SELENOI: variants seen among roughly 807,000 people sequenced by gnomAD.
The protein encoded by SELENOI is ethanolaminephosphotransferase 1.
A neutral mutation model predicts 50.7 loss-of-function variants in SELENOI; 24 were observed. The ratio of observed to expected loss-of-function variants is 0.47; its 90% CI spans 0.34 to 0.67. The LOEUF is 0.67. SELENOI is among the 30% of genes least tolerant of loss of function. The pLI is 0.01. For synonymous variants in SELENOI, 155 were observed against 170.2 expected, an observed-to-expected ratio of 0.91 and a Z score of 0.70; for missense variants, 352 against 461.4, an observed-to-expected ratio of 0.76 and a Z score of 2.17.
intron 1 of SELENOI, among the ~76,000 whole-genome samples, chr2:26,349,885 A>G (rs896500380): frequency 7.7e-6 from 1 of 130,028 alleles, no homozygotes; most frequent in African/African-American, 2.8e-5. Context: ...AGGTGGGAGG[A>G]TGGCTTGAGG....
intron 4 of SELENOI, among the ~76,000 whole-genome samples, chr2:26,372,198 C>T (rs530901083): frequency 1.3e-4 from 20 of 152,220 alleles, no homozygotes; most frequent in African/African-American, 2.2e-4. Context: ...CTGCAACCTC[C>T]GCCTCCTGGG....
chr2:26,366,756 GA>G (rs1186979593), intron 3 of SELENOI, among the ~76,000 whole-genome samples: 1 of 152,166 alleles, frequency 6.6e-6, no homozygotes, highest in Non-Finnish European at 1.5e-5. Flanking sequence ...AATAGTATAG[GA>G]AAGGATAAGG....
At chr2:26,363,646 T>A (rs1233240612) in intron 1 of SELENOI, among the ~76,000 whole-genome samples, 1 of 152,196 alleles carries the variant, frequency 6.6e-6, no homozygotes, top group East Asian at 1.9e-4. Context: ...TCTTTAGACT[T>A]CCCCTATGAT....
intron 1 of SELENOI, among the ~76,000 whole-genome samples, chr2:26,356,097 TTTTA>T (rs1255978141): frequency 6.6e-6 from 1 of 152,188 alleles, no homozygotes; most frequent in Non-Finnish European, 1.5e-5. Context: ...TTAAAAAACT[TTTTA>T]TTTCTGTCCT....
At chr2:26,350,718 AGAG>A (rs1676938843) in intron 1 of SELENOI, among the ~76,000 whole-genome samples, 1 of 152,216 alleles carries the variant, frequency 6.6e-6, no homozygotes, top group Admixed American at 6.5e-5. Context: ...CTGCTATGGA[AGAG>A]GAGAGGAGGC....
intron 1 of SELENOI, among the ~76,000 whole-genome samples, chr2:26,362,414 T>TG (rs1364180406): frequency 6.6e-6 from 1 of 152,208 alleles, no homozygotes. Flanking sequence ...AAAAATCAGA[T>TG]ACTCAAATGA....
At chr2:26,387,465 T>C (rs895030871) in intron 9 of SELENOI, among the ~76,000 whole-genome samples, 1 of 150,950 alleles carries the variant, frequency 6.6e-6, no homozygotes, top group Non-Finnish European at 1.5e-5. Flanking sequence ...CTGAGGCGGG[T>C]GGATCGCTTT....
intron 1 of SELENOI, among the ~76,000 whole-genome samples, chr2:26,353,414 G>T (rs7592979): frequency 0.11 from 16,345 of 152,102 alleles, 2,182 homozygotes; most frequent in African/African-American, 0.32. Context: ...AGCCTCAATA[G>T]AACATGAGAA....
intron 4 of SELENOI, among the ~76,000 whole-genome samples, chr2:26,371,383 G>C (rs1677441278): frequency 6.6e-6 from 1 of 151,978 alleles, no homozygotes; most frequent in Non-Finnish European, 1.5e-5. Flanking sequence ...ACGATGGGCA[G>C]CCGGGCAGAG....
In SELENOI at chr2:26,391,939, G is replaced by C. The variant is rs1677980318; in HGVS notation, c.*2836G>C. 6.6e-6 allele frequency: 1 copy of C among 152,142 alleles called. No individual in the cohort carries two copies. The highest frequency in any genetic ancestry group is 1.5e-5 in the Non-Finnish European group (1 of 68,024). The allele number at this position is 152,142 out of a possible 1,614,324, so 9.4% of individuals were successfully genotyped here. ...TAATTGATAGAGTTTATGGGTCTTA[G>C]TCTTAAGGGTAACAGAGTGAATACC... On this transcript the variant is annotated 3_prime_UTR_variant, in exon 10 of 10. Coordinates refer to ENST00000260585, the MANE Select transcript of SELENOI (RefSeq NM_033505.4).
At chr2:26,379,730 C>T (rs1483540283) in intron 6 of SELENOI, among the ~76,000 whole-genome samples, 1 of 152,088 alleles carries the variant, frequency 6.6e-6, no homozygotes, top group Non-Finnish European at 1.5e-5. Flanking sequence ...GTAAGGAAAT[C>T]AAGTTTTTAT....
At position 26,391,106 on chromosome 2, in the gene SELENOI, C is replaced by T. The variant is rs6725370; in HGVS notation, c.*2003C>T. 0.95 allele frequency: 144,941 copies of T among 152,294 alleles called. 69,034 individuals carry two copies. Among genetic ancestry groups the T allele is most frequent in the South Asian group, 0.98 (4,732 of 4,830 alleles). 9.4% of individuals were successfully genotyped at this position (152,294 alleles called of 1,614,324 possible). On this transcript the variant is annotated 3_prime_UTR_variant, in exon 10 of 10. Transcript: ENST00000260585. Reference sequence around the variant, plus strand: ...AGGTCACGTCCTATAGTTTGGGGGCCCTTTTACTTCAAAGGTGTGTTTCTG... The same window carrying T: ...AGGTCACGTCCTATAGTTTGGGGGCTCTTTTACTTCAAAGGTGTGTTTCTG...
Position 26,367,163 on chromosome 2 carries a change from G to C in SELENOI, c.253G>C (p.Val85Leu). 1.2e-6 allele frequency: 2 copies of C among 1,610,622 alleles called. No individual in the cohort carries two copies. Among genetic ancestry groups the C allele is most frequent in the Non-Finnish European group, 1.7e-6 (2 of 1,178,410 alleles). Residue 85 changes from valine to leucine, a missense_variant, in exon 4 of 10, where the codon GTG becomes CTG. Val to Leu is a conservative substitution (Grantham distance 32). Transcript: ENST00000260585. ...FYASAPGHKH[V>L]PDWVWIVVGI... ...CTTTTCAGCACCAGGTCACAAGCAC[G>C]TGCCTGACTGGGTTTGGATTGTAGT...
At chr2:26,366,983 A>T (rs970744037) in intron 3 of SELENOI, among the ~76,000 whole-genome samples, 163 bp from the exon 4 acceptor site, 3 of 152,200 alleles carry the variant, frequency 2.0e-5, no homozygotes, top group African/African-American at 7.2e-5. Context: ...TTTTGGTTTT[A>T]TCAGTTTCCT....
At chr2:26,362,194 C>G (rs566917886) in intron 1 of SELENOI, among the ~76,000 whole-genome samples, 9 of 151,924 alleles carry the variant, frequency 5.9e-5, no homozygotes, top group Non-Finnish European at 1.3e-4. Context: ...CTCAGCCTCC[C>G]GAGTAGCTAG....
intron 4 of SELENOI, 28 bp from the exon 5 acceptor site, chr2:26,373,339 C>A: frequency 5.0e-6 from 8 of 1,590,962 alleles, no homozygotes; most frequent in Non-Finnish European, 6.9e-6. Flanking sequence ...ATACGTTGAA[C>A]TTTTCCTGTG....
intron 4 of SELENOI, among the ~76,000 whole-genome samples, chr2:26,370,162 C>T (rs1677384063): frequency 6.6e-6 from 1 of 151,452 alleles, no homozygotes. Flanking sequence ...TTTCAGAGAG[C>T]ACAGGGTTGG....
At chr2:26,351,055 G>GTTT (rs35623246) in intron 1 of SELENOI, among the ~76,000 whole-genome samples, 197 of 102,654 alleles carry the variant, frequency 1.9e-3, no homozygotes, top group Non-Finnish European at 2.9e-3. Flanking sequence ...CTGTTTGTTT[G>GTTT]TTTTTTTTTT....
At chr2:26,383,477 C>G (rs1180801778) in intron 7 of SELENOI, 130 bp downstream of exon 7, 5 of 651,248 alleles carry the variant, frequency 7.7e-6, no homozygotes, top group Non-Finnish European at 1.3e-5. Flanking sequence ...TATTTTAAAT[C>G]TTTAATGGGG....
Sources: gnomAD v4.1 joint callset for allele counts (sites outside exome capture counted in the v4.1 genomes callset) on GRCh38, gnomAD v4.1.1 for gene constraint, MANE v1.5 for transcripts, NCBI Gene and HGNC (gene_info 2026-07-23, HGNC 2026-07-21) for gene names.